ADK: variants seen among roughly 807,000 people sequenced by gnomAD.
ADK encodes the protein N6,N6-dimethyladenosine kinase.
A neutral mutation model predicts 44.7 loss-of-function variants in ADK; 24 were observed. The ratio of observed to expected loss-of-function variants is 0.54; its 90% confidence interval spans 0.39 to 0.76. ADK has a LOEUF of 0.76. ADK is among the 30% of genes least tolerant of loss of function. The pLI, the probability that ADK is intolerant of heterozygous loss-of-function variation, is 0.00. For missense variants in ADK, 321 were observed against 425.1 expected (o/e 0.76, Z 2.15); for synonymous variants, 128 against 142.6 (o/e 0.90, Z 0.73).
chr10:74,584,716 T>G (rs577347434), intron 7 of ADK, among the ~76,000 whole-genome samples: 1 of 152,304 alleles, frequency 6.6e-6, no homozygotes, highest in South Asian at 2.1e-4. Context: ...GACACACATG[T>G]ACACAGATGC....
In ADK at chr10:74,536,011, T is replaced by C. The variant is rs1429149401; in HGVS notation, c.726+10585T>C. Among the ~76,000 whole-genome samples, 3 of 152,196 alleles carry C rather than the reference T, an allele frequency of 2.0e-5. No individual in the cohort carries two copies. The East Asian group carries it at 5.8e-4, about 29-fold the overall frequency. ...ACTCTGATTTATTTATCAACTACTA[T>C]TCCTTTTCCTCATCTGTAAATTGAG... On this transcript the variant is annotated intron_variant, in intron 7 of 10. Coordinates refer to ENST00000539909, the MANE Select transcript of ADK (RefSeq NM_006721.4).
At chr10:74,349,755 G>A (rs1422549013) in intron 4 of ADK, among the ~76,000 whole-genome samples, 1 of 151,912 alleles carries the variant, frequency 6.6e-6, no homozygotes, top group African/African-American at 2.4e-5. Context: ...AAAAAAAGCA[G>A]GGGTTGCACT....
At chr10:74,690,082 G>A (rs1855933790) in intron 10 of ADK, among the ~76,000 whole-genome samples, 1 of 152,246 alleles carries the variant, frequency 6.6e-6, no homozygotes, top group African/African-American at 2.4e-5. Context: ...CTCTCTGCAA[G>A]CAGTCTCTTT....
At chr10:74,603,460 C>G (rs111362132) in intron 9 of ADK, among the ~76,000 whole-genome samples, 1 of 151,990 alleles carries the variant, frequency 6.6e-6, no homozygotes, top group Non-Finnish European at 1.5e-5. Flanking sequence ...TCCTTGTGTC[C>G]GTGTGTTCTC....
At chr10:74,359,039 A>G (rs1482262928) in intron 4 of ADK, among the ~76,000 whole-genome samples, 2 of 152,126 alleles carry the variant, frequency 1.3e-5, no homozygotes, top group East Asian at 1.9e-4. Flanking sequence ...GCTTCAAGCA[A>G]TCCTCCTGTC....
chr10:74,267,307 A>C (rs542681644), intron 3 of ADK, among the ~76,000 whole-genome samples: 1 of 152,330 alleles, frequency 6.6e-6, no homozygotes, highest in African/African-American at 2.4e-5. Flanking sequence ...AAAGTTGTGT[A>C]TATGGAGAGA....
intron 4 of ADK, among the ~76,000 whole-genome samples, chr10:74,341,856 G>C (rs1282507487): frequency 2.0e-5 from 3 of 151,998 alleles, no homozygotes; most frequent in African/African-American, 7.2e-5. Flanking sequence ...TACTATTCTG[G>C]TTAGTTATTG....
intron 10 of ADK, among the ~76,000 whole-genome samples, chr10:74,695,651 T>G (rs1246716041): frequency 1.3e-5 from 2 of 151,078 alleles, no homozygotes; most frequent in Non-Finnish European, 3.0e-5. Flanking sequence ...TGTGTGTGTG[T>G]GTGTGTGAAG....
intron 1 of ADK, among the ~76,000 whole-genome samples, chr10:74,175,054 T>G (rs1344456851): frequency 6.6e-6 from 1 of 152,186 alleles, no homozygotes; most frequent in Non-Finnish European, 1.5e-5. Context: ...TGTAGAAATA[T>G]AATGCAAGAT....
At position 74,429,232 on chromosome 10, in the gene ADK, A is replaced by G. The variant is rs938577078; in HGVS notation, c.555+30653A>G. 2.6e-5 allele frequency among the ~76,000 whole-genome samples: 4 copies of G among 152,336 alleles called. No homozygotes were observed. The East Asian group carries it at 7.7e-4, about 29-fold the overall frequency. On this transcript the variant is annotated intron_variant, in intron 6 of 10. Transcript: ENST00000539909. ...ACACTTGGCAAATCTTCTTAGTTGA[A>G]TATTATTCAAACTATTCAGTCAGGG...
At chr10:74,668,780 C>T (rs572720925) in intron 9 of ADK, among the ~76,000 whole-genome samples, 2 of 152,078 alleles carry the variant, frequency 1.3e-5, no homozygotes, top group South Asian at 4.2e-4. Flanking sequence ...TGCCTGTAAT[C>T]CTAGCACTTT....
intron 8 of ADK, among the ~76,000 whole-genome samples, chr10:74,594,490 T>C (rs1851828477): frequency 6.6e-6 from 1 of 151,924 alleles, no homozygotes; most frequent in Non-Finnish European, 1.5e-5. Flanking sequence ...TTTTTTAAAA[T>C]ATGACATATG....
chr10:74,380,328 A>G (rs1842940324), intron 4 of ADK, among the ~76,000 whole-genome samples: 1 of 152,176 alleles, frequency 6.6e-6, no homozygotes, highest in Admixed American at 6.5e-5. Flanking sequence ...ATAAATCATT[A>G]TATGCTGAAG....
At chr10:74,582,873 TA>T (rs1367534404) in intron 7 of ADK, among the ~76,000 whole-genome samples, 3 of 152,156 alleles carry the variant, frequency 2.0e-5, no homozygotes, top group East Asian at 1.9e-4. Flanking sequence ...CAAAAAGTTA[TA>T]TGATATATTC....
chr10:74,480,245 GAGAC>G (rs1847018887), intron 6 of ADK, among the ~76,000 whole-genome samples: 1 of 107,412 alleles, frequency 9.3e-6, no homozygotes, highest in African/African-American at 3.3e-5. Context: ...TTTTTTTAAA[GAGAC>G]AGAGTCTCAC....
intron 6 of ADK, among the ~76,000 whole-genome samples, chr10:74,474,258 C>T (rs760344862): frequency 1.4e-4 from 22 of 152,032 alleles, no homozygotes; most frequent in Non-Finnish European, 3.2e-4. Context: ...CATGTGCCAC[C>T]ACGCCCAATT....
intron 9 of ADK, among the ~76,000 whole-genome samples, chr10:74,618,018 T>G (rs1852841587): frequency 6.6e-6 from 1 of 152,220 alleles, no homozygotes. Flanking sequence ...GCATCTTGCC[T>G]TAATATCTAT....
intron 6 of ADK, among the ~76,000 whole-genome samples, chr10:74,451,619 G>A (rs1220052109): frequency 6.6e-6 from 1 of 152,122 alleles, no homozygotes; most frequent in Non-Finnish European, 1.5e-5. Flanking sequence ...CAGCAATTCA[G>A]AAAGAAAGGT....
At chr10:74,369,489 G>C (rs1011802565) in intron 4 of ADK, among the ~76,000 whole-genome samples, 2 of 152,162 alleles carry the variant, frequency 1.3e-5, no homozygotes, top group African/African-American at 4.8e-5. Flanking sequence ...ATAAGATGAA[G>C]TAACAAGTAC....
Sources: allele counts gnomAD v4.1 joint callset (sites outside exome capture counted in the v4.1 genomes callset), GRCh38; gene constraint gnomAD v4.1.1; transcripts MANE v1.5; gene names NCBI Gene and HGNC (gene_info 2026-07-23, HGNC 2026-07-21).